Variants in MTUS1 observed in about 807,000 individuals in gnomAD.
MTUS1 encodes microtubule-associated tumor suppressor 1.
Under a neutral mutation model 120.8 loss-of-function variants are expected in MTUS1, and 109 were observed. The observed-to-expected ratio is 0.90, with a 90% CI of 0.77 to 1.06. The LOEUF (loss-of-function observed/expected upper bound fraction) is 1.06, where lower values mean the gene tolerates loss of function less well. Among genes scored for constraint, MTUS1 ranks in the 50% least tolerant of loss-of-function variants. The pLI is 0.00. For missense variants in MTUS1, 2,210 were observed against 1,486.3 expected (o/e 1.49, Z -8.01); for synonymous variants, 737 against 550.5 (o/e 1.34, Z -4.74).
rs1007727790 is a variant in MTUS1, at chr8:17,801,089, A to G, written c.-183T>C. On this transcript the variant is annotated 5_prime_UTR_variant, in exon 1 of 15. Transcript: ENST00000693296. ...CAGCTCCTTCAAGCGCTCCGGGAGC[A>G]AAGACGCAGAGGCGGGGAGGGCTGG... 6.6e-6 allele frequency among the ~76,000 whole-genome samples: 1 copy of G among 151,832 alleles called. No homozygotes were observed. The highest frequency in any genetic ancestry group is 2.4e-5 in the African/African-American group (1 of 41,296).
intron 1 of MTUS1, among the ~76,000 whole-genome samples, chr8:17,777,578 G>A (rs772832693): frequency 6.7e-4 from 102 of 152,194 alleles, no homozygotes; most frequent in Non-Finnish European, 1.3e-3. Flanking sequence ...CTACAGAGAC[G>A]TGGATGGGAC....
At chr8:17,654,152 A>G (rs1409610343) in intron 10 of MTUS1, 1 of 187,798 alleles carries the variant, frequency 5.3e-6, no homozygotes, top group Non-Finnish European at 1.1e-5. Flanking sequence ...CAGATGAAAA[A>G]TAGAAAAGAC....
chr8:17,755,196 G>T lies in MTUS1; in HGVS notation c.612C>A (p.Ser204=), dbSNP rs141833395. ...GRRSGSTSSL[S]YSTWTSSHSD... ...AATGGGAAGATGTCCAAGTGGAATA[G>T]GATAAAGAAGATGTACTTCCACTTC... is the stretch of plus-strand genomic sequence containing the variant. Residue 204 remains serine (S), a synonymous_variant, in exon 2 of 15, where the codon TCC becomes TCA. Coordinates refer to ENST00000693296, the MANE Select transcript of MTUS1 (RefSeq NM_001363059.2). 6.2e-7 allele frequency: 1 copy of T among 1,614,060 alleles called. No homozygotes were observed. Among genetic ancestry groups the T allele is most frequent in the African/African-American group, 1.3e-5 (1 of 74,914 alleles).
At position 17,646,032 on chromosome 8, in the gene MTUS1, T is replaced by C. The variant is rs751318885; in HGVS notation, c.3707A>G (p.Asn1236Ser). 21 of 1,613,778 alleles carry C rather than the reference T, an allele frequency of 1.3e-5. No individual in the cohort carries two copies. The highest frequency in any genetic ancestry group is 1.1e-4 in the East Asian group (5 of 44,854). ...ENEELLWKLH[N>S]GDLCSPKRSP... ...TCTCTTGGGGCTACACAGGTCCCCA[T>C]TGTGCAGTTTCCACAGAAGCTCCTC... The change falls in exon 15 of 15, where the codon AAT becomes AGT. Residue 1236 changes from asparagine (N) to serine (S), a missense_variant. By Grantham distance (46) the Asn-to-Ser change is conservative. Coordinates refer to ENST00000693296, the MANE Select transcript of MTUS1 (RefSeq NM_001363059.2).
At chr8:17,777,775 C>T (rs192175977) in intron 1 of MTUS1, among the ~76,000 whole-genome samples, 4 of 152,210 alleles carry the variant, frequency 2.6e-5, no homozygotes, top group South Asian at 2.1e-4. Context: ...AGAAAACTAT[C>T]GTCAGAAATT....
At position 17,644,816 on chromosome 8, in the gene MTUS1, T is replaced by G. The variant is rs1805477891; in HGVS notation, c.*1110A>C. The G allele has an allele frequency of 6.6e-6, 1 of 152,232 alleles. No individual in the cohort carries two copies. Among genetic ancestry groups the G allele is most frequent in the Non-Finnish European group, 1.5e-5 (1 of 68,042 alleles). 9.4% of individuals were successfully genotyped at this position (152,232 alleles called of 1,614,324 possible). A position where few individuals can be genotyped will look rare whatever the true frequency, so the allele number is the denominator to read the frequency against. On this transcript the variant is annotated 3_prime_UTR_variant, in exon 15 of 15. Coordinates refer to ENST00000693296, the MANE Select transcript of MTUS1 (RefSeq NM_001363059.2). ...GCTTTAGTTTATTTGGAAAGTGGTT[T>G]CAGCACCTGGAAGATGAGCTGGCTC...
chr8:17,782,639 G>A (rs2050958720), intron 1 of MTUS1, among the ~76,000 whole-genome samples: 2 of 152,112 alleles, frequency 1.3e-5, no homozygotes, highest in African/African-American at 4.8e-5. Flanking sequence ...TTCCTCCAAG[G>A]CCATCATGAC....
intron 6 of MTUS1, among the ~76,000 whole-genome samples, chr8:17,694,654 C>A (rs1003238727): frequency 1.3e-5 from 2 of 151,748 alleles, no homozygotes; most frequent in South Asian, 4.2e-4. Context: ...GGCAACAGAG[C>A]GAGACTCCAT....
At chr8:17,752,689 C>T (rs1051492545) in intron 2 of MTUS1, among the ~76,000 whole-genome samples, 1 of 152,182 alleles carries the variant, frequency 6.6e-6, no homozygotes, top group Non-Finnish European at 1.5e-5. Context: ...ACTTGCTATT[C>T]TATGTGCTTC....
intron 6 of MTUS1, chr8:17,706,295 T>A (rs1204176326): frequency 6.6e-6 from 1 of 152,162 alleles, no homozygotes; most frequent in Non-Finnish European, 1.5e-5. Context: ...TTCCCATGTC[T>A]CCAAACGAGA....
chr8:17,734,296 T>C (rs1563288522), intron 3 of MTUS1: 1 of 152,248 alleles, frequency 6.6e-6, no homozygotes, highest in Non-Finnish European at 1.5e-5. Context: ...ATAGTGATTT[T>C]ACTATTCCAC....
At chr8:17,695,611 A>G (rs796611324) in intron 6 of MTUS1, among the ~76,000 whole-genome samples, 3 of 152,372 alleles carry the variant, frequency 2.0e-5, no homozygotes, top group African/African-American at 7.2e-5. Flanking sequence ...CTGCTTCACA[A>G]CAACACTACA....
chr8:17,716,582 TCTCA>T (rs1167692485), intron 4 of MTUS1: 5 of 161,504 alleles, frequency 3.1e-5, no homozygotes, highest in African/African-American at 1.2e-4. Flanking sequence ...TGAGACGGAG[TCTCA>T]CTCTGTCGTC....
intron 3 of MTUS1, among the ~76,000 whole-genome samples, chr8:17,739,854 T>C (rs1456089010): frequency 6.6e-6 from 1 of 152,230 alleles, no homozygotes; most frequent in African/African-American, 2.4e-5. Flanking sequence ...TATTTCAGTA[T>C]ATTTCCAAAG....
At chr8:17,689,182 G>C (rs1156467034) in intron 6 of MTUS1, among the ~76,000 whole-genome samples, 3 of 152,110 alleles carry the variant, frequency 2.0e-5, no homozygotes, top group African/African-American at 7.2e-5. Flanking sequence ...CTGCACTCCA[G>C]CCTGGGTGAC....
chr8:17,720,181 C>T (rs1451471794), intron 4 of MTUS1, among the ~76,000 whole-genome samples: 6 of 152,004 alleles, frequency 3.9e-5, no homozygotes, highest in Non-Finnish European at 5.9e-5. Flanking sequence ...CCCATCTCTA[C>T]TAAAAATACA....
chr8:17,742,681 C>G (rs2047431793), intron 3 of MTUS1, among the ~76,000 whole-genome samples: 1 of 152,120 alleles, frequency 6.6e-6, no homozygotes, highest in South Asian at 2.1e-4. Context: ...GCCCGTAAAA[C>G]ATTTCTAAGC....
At chr8:17,658,655 T>C (rs1275901773) in intron 8 of MTUS1, among the ~76,000 whole-genome samples, 1 of 152,188 alleles carries the variant, frequency 6.6e-6, no homozygotes, top group East Asian at 1.9e-4. Flanking sequence ...TGGAAAGGAA[T>C]AACATATCAG....
chr8:17,699,717 C>T (rs935989661), intron 6 of MTUS1, among the ~76,000 whole-genome samples: 4 of 152,190 alleles, frequency 2.6e-5, no homozygotes, highest in Non-Finnish European at 5.9e-5. Flanking sequence ...TCAGTTCTTT[C>T]CCAAACATAG....
Sources: gnomAD v4.1 joint callset for allele counts (sites outside exome capture counted in the v4.1 genomes callset) on GRCh38, gnomAD v4.1.1 for gene constraint, MANE v1.5 for transcripts, NCBI Gene and HGNC (gene_info 2026-07-23, HGNC 2026-07-21) for gene names.